Variants in DMD observed in about 807,000 individuals in gnomAD.
The protein encoded by DMD is mutant dystrophin.
DMD carries 63 observed loss-of-function variants against 330.1 expected under a neutral mutation model. The observed-to-expected ratio is 0.19, with a 90% CI of 0.16 to 0.24. DMD has a LOEUF of 0.24. DMD is among the 10% of genes least tolerant of loss of function. The pLI is 1.00. For synonymous variants in DMD, 1,223 were observed against 959.8 expected (o/e 1.27, Z -5.07); for missense variants, 3,344 against 2,684.1 (o/e 1.25, Z -5.43).
chrX:32,435,210 G>GAA (rs2098254960), intron 29 of DMD, among the ~76,000 whole-genome samples: 1 of 54,258 alleles, frequency 1.8e-5, no homozygotes, highest in African/African-American at 8.5e-5. Flanking sequence ...GCCCTCAGTG[G>GAA]GATATATATA....
chrX:32,416,966 T>C (rs1284415401), intron 29 of DMD, among the ~76,000 whole-genome samples: 3 of 111,999 alleles, frequency 2.7e-5, no homozygotes, highest in African/African-American at 9.7e-5. Context: ...CAGGTTGCAA[T>C]TTGTTCAAGT....
intron 4 of DMD, among the ~76,000 whole-genome samples, chrX:32,835,913 A>AT (rs768320323): frequency 1.8e-5 from 2 of 111,322 alleles, no homozygotes; most frequent in Admixed American, 9.6e-5. Context: ...ATTTTGAGTG[A>AT]TTTTTTTAAA....
chrX:32,319,363 A>G lies in DMD; in HGVS notation c.5923-9087T>C, dbSNP rs373569091. ...TTATAAGGCAGCAAAAAATAAATGC[A>G]GCAAAGACTCATGCCTAGTACCTAG... On this transcript the variant is annotated intron_variant, in intron 41 of 78. Transcript: ENST00000357033. Among the ~76,000 whole-genome samples, 12 of 111,674 alleles carry G rather than the reference A, an allele frequency of 1.1e-4. No individual in the cohort carries two copies. The East Asian group carries it at 3.4e-3, about 31-fold the overall frequency.
At chrX:31,228,729 C>G (rs768075451) in intron 63 of DMD, among the ~76,000 whole-genome samples, 98 of 112,034 alleles carry the variant, frequency 8.7e-4, no homozygotes, top group African/African-American at 2.9e-3. Flanking sequence ...TTGTAATGAG[C>G]TCACTAGCTC....
chrX:33,316,244 C>A lies in DMD; in HGVS notation c.7+23015G>T, dbSNP rs1303675282. On this transcript the variant is annotated intron_variant, in intron 1 of 17. Transcript: ENST00000288447. Reference sequence around the variant, plus strand: ...ACTGTAAAACATCTGTTCTGAAAACCAAACTCCAACAATTCAATATCAATA... The same window carrying A: ...ACTGTAAAACATCTGTTCTGAAAACAAAACTCCAACAATTCAATATCAATA... Among the ~76,000 whole-genome samples, 3 of 110,324 alleles carry A rather than the reference C, an allele frequency of 2.7e-5. No homozygotes were observed. The East Asian group carries it at 8.6e-4, about 32-fold the overall frequency.
chrX:33,171,369 T>A (rs1185633843), intron 1 of DMD, among the ~76,000 whole-genome samples: 1 of 111,450 alleles, frequency 9.0e-6, no homozygotes. Flanking sequence ...TTAGTTTTAA[T>A]GTTAATGCTA....
At chrX:31,136,578 A>C (rs1325953153) in intron 76 of DMD, among the ~76,000 whole-genome samples, 1 of 111,984 alleles carries the variant, frequency 8.9e-6, no homozygotes, top group East Asian at 2.8e-4. Context: ...GAACCAAGAG[A>C]ACATCATGAA....
intron 21 of DMD, among the ~76,000 whole-genome samples, chrX:32,473,939 G>T (rs1206288780): frequency 3.7e-5 from 4 of 109,507 alleles, no homozygotes; most frequent in African/African-American, 1.3e-4. Flanking sequence ...CATCACCTAA[G>T]CAGTATACAC....
At chrX:33,119,892 T>G (rs1252620769) in intron 1 of DMD, among the ~76,000 whole-genome samples, 1 of 111,687 alleles carries the variant, frequency 9.0e-6, no homozygotes, top group Non-Finnish European at 1.9e-5. Context: ...CATGAGCCTT[T>G]TCTTCACTTA....
intron 50 of DMD, among the ~76,000 whole-genome samples, chrX:31,780,092 T>C (rs1225087108): frequency 9.0e-6 from 1 of 111,652 alleles, no homozygotes; most frequent in Non-Finnish European, 1.9e-5. Flanking sequence ...GGGTACATGA[T>C]TAGTCAGACT....
At chrX:31,792,304 T>C (rs917072377) in intron 50 of DMD, among the ~76,000 whole-genome samples, 6 of 112,666 alleles carry the variant, frequency 5.3e-5, no homozygotes, top group South Asian at 3.6e-4. Flanking sequence ...AAATGTCACA[T>C]CTCATTTTAA....
intron 53 of DMD, among the ~76,000 whole-genome samples, chrX:31,660,331 G>A (rs1358427821): frequency 8.9e-6 from 1 of 111,977 alleles, no homozygotes. Context: ...CCTTCTGAGG[G>A]AACTTCTGCC....
chrX:32,941,833 G>T (rs942147599), intron 2 of DMD, among the ~76,000 whole-genome samples: 21 of 107,475 alleles, frequency 2.0e-4, no homozygotes, highest in African/African-American at 7.4e-4. Context: ...TCCCGGGAAG[G>T]GGTCAGGGAA....
chrX:32,961,195 A>C (rs1299833559), intron 2 of DMD, among the ~76,000 whole-genome samples: 1 of 110,993 alleles, frequency 9.0e-6, no homozygotes, highest in Non-Finnish European at 1.9e-5. Flanking sequence ...TATTTTGTCT[A>C]TATAGGCAAG....
At chrX:31,336,704 C>T (rs915212860) in intron 61 of DMD, among the ~76,000 whole-genome samples, 1 of 111,125 alleles carries the variant, frequency 9.0e-6, no homozygotes, top group African/African-American at 3.3e-5. Context: ...CAGAGATAAA[C>T]AGAGATGACA....
intron 50 of DMD, among the ~76,000 whole-genome samples, chrX:31,816,752 C>T (rs1287695132): frequency 9.6e-6 from 1 of 103,808 alleles, no homozygotes; most frequent in Non-Finnish European, 2.0e-5. Flanking sequence ...AAACCGAGAT[C>T]GCACCACTGC....
intron 18 of DMD, among the ~76,000 whole-genome samples, chrX:32,507,350 A>G (rs1039387455): frequency 3.6e-5 from 4 of 111,690 alleles, no homozygotes; most frequent in African/African-American, 1.3e-4. Flanking sequence ...GTTTTTGTGA[A>G]ATGATATAAA....
intron 41 of DMD, among the ~76,000 whole-genome samples, chrX:32,331,547 G>T (rs1207576283): frequency 9.0e-6 from 1 of 110,690 alleles, no homozygotes; most frequent in Non-Finnish European, 1.9e-5. Context: ...ATTTCCACTT[G>T]ATAGAAAAAT....
At chrX:32,449,132 G>C (rs1394053078) in intron 26 of DMD, among the ~76,000 whole-genome samples, 1 of 110,729 alleles carries the variant, frequency 9.0e-6, no homozygotes, top group Non-Finnish European at 1.9e-5. Flanking sequence ...TTTGATAAAA[G>C]AAAGTTTCGT....
Sources: gnomAD v4.1 joint callset for allele counts (sites outside exome capture counted in the v4.1 genomes callset) on GRCh38, gnomAD v4.1.1 for gene constraint, MANE v1.5 for transcripts, NCBI Gene and HGNC (gene_info 2026-07-23, HGNC 2026-07-21) for gene names.